UPK1B: variants seen among roughly 807,000 people sequenced by gnomAD.
UPK1B encodes uroplakin 1B.
A neutral mutation model predicts 34.2 loss-of-function variants in UPK1B; 28 were observed. The observed-to-expected ratio is 0.82, with a 90% CI of 0.61 to 1.12. UPK1B has a LOEUF of 1.12. Ranked by LOEUF, UPK1B falls within the 50% of genes most tolerant of loss-of-function variation. UPK1B has a pLI of 0.00. For missense variants in UPK1B, 325 were observed against 320.9 expected (o/e 1.01, Z -0.10); for synonymous variants, 81 against 110.4 (o/e 0.73, Z 1.67).
chr3:119,187,078 A>G (rs538905120), intron 2 of UPK1B, among the ~76,000 whole-genome samples: 2 of 152,246 alleles, frequency 1.3e-5, no homozygotes, highest in Non-Finnish European at 2.9e-5. Context: ...GTGTCTAAAC[A>G]CTCTGACTAC....
intron 1 of UPK1B, among the ~76,000 whole-genome samples, chr3:119,181,235 C>A (rs1158323183): frequency 6.6e-6 from 1 of 152,148 alleles, no homozygotes; most frequent in Non-Finnish European, 1.5e-5. Flanking sequence ...AAGTACCATT[C>A]TGATCTGATT....
At position 119,186,800 on chromosome 3, in the gene UPK1B, T is replaced by G; in HGVS notation, c.59T>G (p.Val20Gly). 1.2e-6 allele frequency: 2 copies of G among 1,614,072 alleles called. No individual in the cohort carries two copies. Among genetic ancestry groups the G allele is most frequent in the Non-Finnish European group, 1.7e-6 (2 of 1,179,940 alleles). ...CFQGLLIFGN[V>G]IIGCCGIALT... is the part of the protein sequence containing the mutation. ...CAGGGCCTGCTGATTTTTGGAAATG[T>G]GATTATTGGTGTAAGTAATGATTAT... Residue 20 changes from valine to glycine, a missense_variant, in exon 2 of 8, where the codon GTG (valine) becomes GGG (glycine). By Grantham distance (109) the Val-to-Gly change is moderately radical. Coordinates refer to ENST00000264234, the MANE Select transcript of UPK1B (RefSeq NM_006952.4).
chr3:119,182,254 C>A (rs1248779217), intron 1 of UPK1B, among the ~76,000 whole-genome samples: 2 of 152,192 alleles, frequency 1.3e-5, no homozygotes, highest in East Asian at 3.8e-4. Context: ...AGCCCCTGTG[C>A]AGTGAACAGA....
intron 1 of UPK1B, among the ~76,000 whole-genome samples, chr3:119,174,572 C>T (rs897159615): frequency 6.6e-6 from 1 of 152,174 alleles, no homozygotes; most frequent in South Asian, 2.1e-4. Context: ...ATAGTGAGAT[C>T]CTGTCTCTAA....
Position 119,204,095 on chromosome 3 carries a change from T to C in UPK1B, c.*128T>C. ...GTGTGTCTTACATTGCCAAGTCAGA[T>C]GGTACGGACTTCCTTTAGGATCTCA... On this transcript the variant is annotated 3_prime_UTR_variant, in exon 8 of 8. Coordinates refer to ENST00000264234, the MANE Select transcript of UPK1B (RefSeq NM_006952.4). The C allele has an allele frequency of 2.9e-6, 3 of 1,023,140 alleles. No homozygotes were observed. The highest frequency in any genetic ancestry group is 4.0e-5 in the Admixed American group (2 of 49,420). The allele number at this position is 1,023,140 out of a possible 1,614,324, so 63.4% of individuals were successfully genotyped here. A position where few individuals can be genotyped will look rare whatever the true frequency, so the allele number is the denominator to read the frequency against.
intron 7 of UPK1B, among the ~76,000 whole-genome samples, chr3:119,203,367 A>T (rs1419199245): frequency 6.7e-6 from 1 of 148,652 alleles, no homozygotes; most frequent in Non-Finnish European, 1.5e-5. Flanking sequence ...AAAAAAAAAA[A>T]ATCTGATATC....
intron 5 of UPK1B, 41 bp downstream of exon 5, chr3:119,191,145 T>C: frequency 7.5e-6 from 12 of 1,608,650 alleles, no homozygotes; most frequent in African/African-American, 1.3e-5. Flanking sequence ...TTTTACTTAC[T>C]GGTGGGAGTG....
intron 4 of UPK1B, 119 bp downstream of exon 4, chr3:119,190,438 C>A: frequency 1.6e-6 from 1 of 633,678 alleles, no homozygotes; most frequent in Non-Finnish European, 2.7e-6. Context: ...ATACATCTAT[C>A]ATTTTACTTA....
chr3:119,178,236 G>C (rs1021334287), intron 1 of UPK1B, among the ~76,000 whole-genome samples: 1 of 152,152 alleles, frequency 6.6e-6, no homozygotes, highest in African/African-American at 2.4e-5. Context: ...TATAATAGTT[G>C]GGTCTGGCCA....
At chr3:119,187,717 T>G in intron 2 of UPK1B, 58 bp from the exon 3 acceptor site, 145 of 707,032 alleles carry the variant, frequency 2.1e-4, no homozygotes, top group Non-Finnish European at 3.1e-4. Context: ...TTCCCCACCC[T>G]CCACCCCCTT....
Position 119,179,376 on chromosome 3 carries a change from TATATATATATATATATATATATTA to T in UPK1B, c.-29+5741_-29+5764del, listed in dbSNP as rs1338115384. On this transcript the variant is annotated intron_variant, in intron 1 of 7. Coordinates refer to ENST00000264234, the MANE Select transcript of UPK1B (RefSeq NM_006952.4). Reference sequence around the variant, plus strand: ...AGATATATATATATATATATATATATATATATATATATATATATATATTAATTCTAAGGAATTAACCTATGTGAT... The same window carrying T: ...AGATATATATATATATATATATATATATTCTAAGGAATTAACCTATGTGAT... Among the ~76,000 whole-genome samples the T allele has an allele frequency of 1.0e-3, 67 of 67,228 alleles. 1 individual carries two copies. Among genetic ancestry groups the T allele is most frequent in the African/African-American group, 2.6e-3 (60 of 23,072 alleles). 44.1% of individuals were successfully genotyped at this position (67,228 alleles called of 152,430 possible).
intron 7 of UPK1B, among the ~76,000 whole-genome samples, chr3:119,203,646 CTGAGGGG>C (rs2078104204): frequency 1.3e-5 from 2 of 152,090 alleles, no homozygotes; most frequent in Admixed American, 6.5e-5. Context: ...CCAGGGCCTG[CTGAGGGG>C]TGAGGAGTGA....
Position 119,190,285 on chromosome 3 carries a change from C to G in UPK1B, c.311C>G (p.Ala104Gly), listed in dbSNP as rs756000888. 5.0e-6 allele frequency: 8 copies of G among 1,612,208 alleles called. No individual in the cohort carries two copies. In the Admixed American group the frequency reaches 1.3e-4, roughly 27 times the overall value. ...TTTATAGTATATGCCTTTGAAGTGG[C>G]ATCTTGTATCACAGCAGCAACACAA... is the stretch of plus-strand genomic sequence containing the variant. ...LMFIVYAFEV[A>G]SCITAATQQD... The change falls in exon 4 of 8, where the codon GCA becomes GGA. Residue 104 changes from alanine to glycine, a missense_variant. Transcript: ENST00000264234.
intron 1 of UPK1B, among the ~76,000 whole-genome samples, chr3:119,179,733 T>G (rs1217843258): frequency 1.4e-5 from 2 of 141,908 alleles, no homozygotes; most frequent in Non-Finnish European, 3.0e-5. Context: ...GGTCTCCATC[T>G]CCTGACCTCG....
chr3:119,175,514 G>A (rs939967915), intron 1 of UPK1B, among the ~76,000 whole-genome samples: 17 of 149,528 alleles, frequency 1.1e-4, no homozygotes, highest in Non-Finnish European at 1.5e-5. Flanking sequence ...ATCACACACC[G>A]CCCTACCCGC....
chr3:119,185,546 C>G (rs746503363), intron 1 of UPK1B, among the ~76,000 whole-genome samples: 1 of 149,722 alleles, frequency 6.7e-6, no homozygotes, highest in African/African-American at 2.4e-5. Flanking sequence ...GCAAGACTTA[C>G]GTCTTCCCGC....
intron 1 of UPK1B, among the ~76,000 whole-genome samples, chr3:119,179,805 CTTTTTTTTTTTTTT>C (rs869040325): frequency 9.9e-5 from 5 of 50,554 alleles, no homozygotes; most frequent in African/African-American, 3.3e-4. Context: ...CCACGCCCGG[CTTTTTTTTTTTTTT>C]TTTTTTTTTT....
intron 1 of UPK1B, among the ~76,000 whole-genome samples, chr3:119,178,565 G>C (rs1576865383): frequency 6.6e-6 from 1 of 152,100 alleles, no homozygotes; most frequent in Admixed American, 6.5e-5. Flanking sequence ...GAAAATTTTG[G>C]TCTACTAAAT....
chr3:119,179,129 A>T (rs1432342091), intron 1 of UPK1B, among the ~76,000 whole-genome samples: 2 of 151,752 alleles, frequency 1.3e-5, no homozygotes, highest in Non-Finnish European at 2.9e-5. Context: ...GGAGTTCAAG[A>T]CCAGCCTGGG....
Sources: allele counts gnomAD v4.1 joint callset (sites outside exome capture counted in the v4.1 genomes callset), GRCh38; gene constraint gnomAD v4.1.1; transcripts MANE v1.5; gene names NCBI Gene and HGNC (gene_info 2026-07-23, HGNC 2026-07-21).